Variants in COQ8A observed in about 807,000 individuals in gnomAD.
COQ8A encodes atypical kinase COQ8A, mitochondrial.
In COQ8A, 51 loss-of-function variants were observed where a neutral mutation model predicts 65.0. That is an observed-to-expected ratio of 0.78 (90% CI 0.63 to 0.99). COQ8A has a LOEUF of 0.99. Ranked by LOEUF, COQ8A falls within the 50% of genes least tolerant of loss-of-function variation. COQ8A has a pLI of 0.00. For synonymous variants in COQ8A, 371 were observed against 353.2 expected, an observed-to-expected ratio of 1.05 and a Z score of -0.57; for missense variants, 940 against 875.0, an observed-to-expected ratio of 1.07 and a Z score of -0.94.
At chr1:226,967,114 C>T (rs61833991) in intron 4 of COQ8A, among the ~76,000 whole-genome samples, 24,215 of 152,222 alleles carry the variant, frequency 0.16, 2,538 homozygotes, top group Non-Finnish European at 0.24. Context: ...AATATCACAC[C>T]TCCCTGAGTT....
At chr1:226,940,453 C>T (rs1656619105) in intron 1 of COQ8A, 54 bp downstream of exon 1, 1 of 152,280 alleles carries the variant, frequency 6.6e-6, no homozygotes, top group East Asian at 1.9e-4. Context: ...CTGGCTGCGG[C>T]CAGAGCTGGG....
At chr1:226,978,302 A>C (rs1572068504) in intron 5 of COQ8A, among the ~76,000 whole-genome samples, 2 of 105,198 alleles carry the variant, frequency 1.9e-5, no homozygotes, top group Admixed American at 1.0e-4. Context: ...CACACCCTCC[A>C]CCCACCCACC....
At chr1:226,986,016 T>G (rs1660087108) in intron 14 of COQ8A, among the ~76,000 whole-genome samples, 1 of 152,208 alleles carries the variant, frequency 6.6e-6, no homozygotes, top group South Asian at 2.1e-4. Flanking sequence ...TCCTCTCCCC[T>G]GCTCTGCTGG....
At position 226,982,075 on chromosome 1, in the gene COQ8A, C is replaced by A; in HGVS notation, c.779C>A (p.Ala260Glu). 1 of 1,612,842 alleles carries A rather than the reference C, an allele frequency of 6.2e-7. No homozygotes were observed. Among genetic ancestry groups the A allele is most frequent in the Non-Finnish European group, 8.5e-7 (1 of 1,179,996 alleles). ...GSSPFLSEAN[A>E]ERIVRTLCKV... ...AGTCCTTTCCTGTCCGAGGCCAATGCAGAGCGGATCGTGCGCACGCTCTGC... is the reference window on the plus strand; with the variant it reads ...AGTCCTTTCCTGTCCGAGGCCAATGAAGAGCGGATCGTGCGCACGCTCTGC... Residue 260 changes from alanine (A) to glutamate (E), a missense_variant, in exon 6 of 15, where the codon GCA becomes GAA. Coordinates refer to ENST00000366777, the MANE Select transcript of COQ8A (RefSeq NM_020247.5).
Position 226,983,065 on chromosome 1 carries a change from T to A in COQ8A, c.1080+31T>A, listed in dbSNP as rs753635276. 5.0e-5 allele frequency: 79 copies of A among 1,565,238 alleles called. 1 individual carries two copies. The highest frequency in any genetic ancestry group is 5.0e-5 in the Non-Finnish European group (58 of 1,156,218). ...CGGCCTGATGCGCAGTGCCTGTCCC[T>A]ATGGGGGCTGCAAGGGGCAGAGCTG... On this transcript the variant is annotated intron_variant, in intron 8 of 14. Transcript: ENST00000366777.
At chr1:226,943,037 T>C (rs1052046752) in intron 1 of COQ8A, among the ~76,000 whole-genome samples, 2 of 152,246 alleles carry the variant, frequency 1.3e-5, no homozygotes, top group Non-Finnish European at 2.9e-5. Flanking sequence ...GTTTTGATCC[T>C]GTGGGGATGT....
chr1:226,962,934 T>C (rs1445764840), intron 2 of COQ8A, among the ~76,000 whole-genome samples: 1 of 152,238 alleles, frequency 6.6e-6, no homozygotes, highest in Non-Finnish European at 1.5e-5. Flanking sequence ...CCTCCCAGCC[T>C]GGACTCCATG....
At chr1:226,981,738 C>T (rs1447235367) in intron 5 of COQ8A, among the ~76,000 whole-genome samples, 1 of 152,192 alleles carries the variant, frequency 6.6e-6, no homozygotes, top group African/African-American at 2.4e-5. Flanking sequence ...TCACGGCCCG[C>T]CAGGTCCCCA....
intron 1 of COQ8A, among the ~76,000 whole-genome samples, chr1:226,942,777 G>A (rs1656782058): frequency 6.6e-6 from 1 of 152,154 alleles, no homozygotes; most frequent in African/African-American, 2.4e-5. Flanking sequence ...CAGTGTCAAG[G>A]TCAGTGAACC....
intron 2 of COQ8A, among the ~76,000 whole-genome samples, chr1:226,961,885 C>T (rs1658276360): frequency 6.6e-6 from 1 of 152,146 alleles, no homozygotes; most frequent in South Asian, 2.1e-4. Flanking sequence ...CATAGATGGC[C>T]ATCTTCTCAC....
intron 1 of COQ8A, among the ~76,000 whole-genome samples, chr1:226,955,503 A>ACT (rs1657651009): frequency 1.1e-5 from 1 of 94,374 alleles, no homozygotes. Context: ...TCTGGCTGCC[A>ACT]CTCCCTGGTT....
At chr1:226,952,132 A>AT (rs993934541) in intron 1 of COQ8A, among the ~76,000 whole-genome samples, 1 of 152,004 alleles carries the variant, frequency 6.6e-6, no homozygotes, top group Non-Finnish European at 1.5e-5. Flanking sequence ...GTTCCAAGTG[A>AT]TTTTTTTCCC....
intron 1 of COQ8A, among the ~76,000 whole-genome samples, chr1:226,943,834 C>T (rs1414640136): frequency 2.0e-5 from 3 of 152,208 alleles, no homozygotes; most frequent in African/African-American, 7.2e-5. Context: ...CGAAATTTCC[C>T]TGCACCCCTT....
chr1:226,963,860 C>T (rs1658400516), intron 2 of COQ8A, among the ~76,000 whole-genome samples: 1 of 152,224 alleles, frequency 6.6e-6, no homozygotes, highest in African/African-American at 2.4e-5. Context: ...CTGCTTCATC[C>T]TCCCAAAGTG....
rs143981558 is a variant in COQ8A at position 226,965,653 on chromosome 1, T to C, written c.589-18T>C. 26 of 1,613,938 alleles carry C rather than the reference T, an allele frequency of 1.6e-5. 1 individual carries two copies. Among genetic ancestry groups the C allele is most frequent in the Non-Finnish European group, 2.1e-5 (25 of 1,179,998 alleles). On this transcript the variant is annotated intron_variant, in intron 3 of 14. Coordinates refer to ENST00000366777, the MANE Select transcript of COQ8A (RefSeq NM_020247.5). Reference sequence around the variant, plus strand: ...CCCCTTGGCTGATTCCACAGGTCTCTTTCTCGTCTCCCTCCAGCTCAGCGA... The same window carrying C: ...CCCCTTGGCTGATTCCACAGGTCTCCTTCTCGTCTCCCTCCAGCTCAGCGA...
chr1:226,963,483 G>T (rs1658378584), intron 2 of COQ8A, among the ~76,000 whole-genome samples: 1 of 152,234 alleles, frequency 6.6e-6, no homozygotes, highest in Non-Finnish European at 1.5e-5. Flanking sequence ...ACAGGTGTTA[G>T]TAGCACAGGG....
intron 9 of COQ8A, 59 bp from the exon 10 acceptor site, chr1:226,983,702 C>T (rs1232007334): frequency 1.2e-6 from 2 of 1,612,150 alleles, no homozygotes; most frequent in South Asian, 2.2e-5. Context: ...TTCTGGGGAC[C>T]AGAGGGGGTC....
At chr1:226,959,539 G>T (rs926863858) in intron 1 of COQ8A, among the ~76,000 whole-genome samples, 2 of 152,204 alleles carry the variant, frequency 1.3e-5, no homozygotes, top group Admixed American at 1.3e-4. Flanking sequence ...AGGGGGGTGG[G>T]TACAGGCTGT....
chr1:226,974,044 A>G (rs1659049124), intron 4 of COQ8A, among the ~76,000 whole-genome samples: 1 of 152,060 alleles, frequency 6.6e-6, no homozygotes, highest in Non-Finnish European at 1.5e-5. Flanking sequence ...GTTTGTTGGA[A>G]GTTGTTTGAT....
Sources: allele counts gnomAD v4.1 joint callset (sites outside exome capture counted in the v4.1 genomes callset), GRCh38; gene constraint gnomAD v4.1.1; transcripts MANE v1.5; gene names NCBI Gene and HGNC (gene_info 2026-07-23, HGNC 2026-07-21).